Variants in PLCB1 observed in about 807,000 individuals in gnomAD.
The protein encoded by PLCB1 is phospholipase C beta 1.
In PLCB1, 46 loss-of-function variants were observed where a neutral mutation model predicts 161.8. That is an observed-to-expected ratio of 0.28 (90% CI 0.22 to 0.36). The LOEUF (loss-of-function observed/expected upper bound fraction) is 0.36. Among genes scored for constraint, PLCB1 ranks in the 10% least tolerant of loss-of-function variants. The probability of loss-of-function intolerance (pLI) is 1.00; values close to 1 mark genes in which losing one functional copy is unlikely to be tolerated. For synonymous variants in PLCB1, 517 were observed against 503.7 expected, an observed-to-expected ratio of 1.03 and a Z score of -0.35; for missense variants, 1,016 against 1,472.5, an observed-to-expected ratio of 0.69 and a Z score of 5.07.
intron 3 of PLCB1, among the ~76,000 whole-genome samples, chr20:8,413,493 G>A (rs979312410): frequency 1.3e-5 from 2 of 152,182 alleles, no homozygotes; most frequent in Admixed American, 1.3e-4. Context: ...CAGCAGTTTT[G>A]ATAATTAAAG....
intron 2 of PLCB1, among the ~76,000 whole-genome samples, chr20:8,253,917 C>A (rs1184543635): frequency 6.6e-6 from 1 of 151,964 alleles, no homozygotes; most frequent in Admixed American, 6.6e-5. Context: ...TAATGGCCTC[C>A]AGCTGCATCT....
intron 3 of PLCB1, among the ~76,000 whole-genome samples, chr20:8,383,776 A>G (rs983989241): frequency 5.9e-5 from 9 of 152,208 alleles, no homozygotes; most frequent in African/African-American, 1.9e-4. Flanking sequence ...TCCTTCGCTT[A>G]TGAAGCTTAG....
At chr20:8,336,713 C>G (rs540089846) in intron 2 of PLCB1, among the ~76,000 whole-genome samples, 1 of 152,078 alleles carries the variant, frequency 6.6e-6, no homozygotes, top group East Asian at 1.9e-4. Flanking sequence ...GATAAAATAA[C>G]CCTAAATTTC....
chr20:8,423,615 G>A (rs1979627658), intron 3 of PLCB1, among the ~76,000 whole-genome samples: 1 of 152,142 alleles, frequency 6.6e-6, no homozygotes, highest in African/African-American at 2.4e-5. Flanking sequence ...AAAAACTTCT[G>A]CTTTTAAGAA....
intron 2 of PLCB1, among the ~76,000 whole-genome samples, chr20:8,337,404 ACCT>A (rs1985622562): frequency 6.6e-6 from 1 of 152,152 alleles, no homozygotes; most frequent in Non-Finnish European, 1.5e-5. Flanking sequence ...ATAAGATGTC[ACCT>A]TATATCAAAA....
chr20:8,738,469 C>T (rs1392081331), intron 20 of PLCB1, among the ~76,000 whole-genome samples: 1 of 151,952 alleles, frequency 6.6e-6, no homozygotes, highest in African/African-American at 2.4e-5. Context: ...GTGGGTGCAG[C>T]GTACCAGCAT....
chr20:8,157,826 G>A (rs770406513), intron 2 of PLCB1, among the ~76,000 whole-genome samples: 50 of 152,256 alleles, frequency 3.3e-4, no homozygotes, highest in Non-Finnish European at 6.3e-4. Flanking sequence ...CATTTTTAGA[G>A]TAGAAATGCA....
chr20:8,762,602 A>T (rs548415160), intron 25 of PLCB1, among the ~76,000 whole-genome samples: 53 of 152,364 alleles, frequency 3.5e-4, no homozygotes, highest in African/African-American at 1.2e-3. Flanking sequence ...CCAAGAATGC[A>T]GCAATTCCTT....
chr20:8,275,896 G>A (rs540901320), intron 2 of PLCB1, among the ~76,000 whole-genome samples: 10 of 152,024 alleles, frequency 6.6e-5, no homozygotes, highest in South Asian at 6.2e-4. Context: ...TCAGTGTCAA[G>A]GGTATTATAT....
intron 3 of PLCB1, among the ~76,000 whole-genome samples, chr20:8,561,838 T>C (rs1185645143): frequency 3.3e-5 from 5 of 152,030 alleles, no homozygotes; most frequent in African/African-American, 1.2e-4. Flanking sequence ...TTAATAGTGT[T>C]TTTCTCTATA....
At chr20:8,472,093 G>T (rs187637093) in intron 3 of PLCB1, among the ~76,000 whole-genome samples, 10 of 152,030 alleles carry the variant, frequency 6.6e-5, no homozygotes, top group Non-Finnish European at 1.5e-4. Flanking sequence ...AATTATTTTT[G>T]ATTTCTCCCC....
chr20:8,312,927 G>T (rs1984472757), intron 2 of PLCB1, among the ~76,000 whole-genome samples: 1 of 151,966 alleles, frequency 6.6e-6, no homozygotes. Context: ...AAAATATTTG[G>T]CATTATAGAG....
intron 10 of PLCB1, among the ~76,000 whole-genome samples, chr20:8,690,579 A>C (rs1228089208): frequency 6.6e-6 from 1 of 152,156 alleles, no homozygotes; most frequent in East Asian, 1.9e-4. Context: ...ATGAGAATTC[A>C]AGGCCTGAAA....
intron 9 of PLCB1, among the ~76,000 whole-genome samples, chr20:8,683,110 A>G (rs1990261194): frequency 6.6e-6 from 1 of 151,970 alleles, no homozygotes; most frequent in African/African-American, 2.4e-5. Context: ...TTTTACATTA[A>G]AAATGTTCAT....
chr20:8,586,355 G>C (rs1314233749), intron 3 of PLCB1, among the ~76,000 whole-genome samples: 2 of 118,318 alleles, frequency 1.7e-5, no homozygotes, highest in Admixed American at 1.8e-4. Context: ...TATTTATTAT[G>C]GTTTTTTTTT....
intron 27 of PLCB1, among the ~76,000 whole-genome samples, chr20:8,783,925 A>G (rs1428986762): frequency 6.6e-6 from 1 of 152,122 alleles, no homozygotes; most frequent in Non-Finnish European, 1.5e-5. Context: ...TGGCCAAGAG[A>G]TGGGGGGTAA....
intron 3 of PLCB1, among the ~76,000 whole-genome samples, chr20:8,452,534 A>G (rs1021310560): frequency 6.6e-6 from 1 of 152,214 alleles, no homozygotes; most frequent in Non-Finnish European, 1.5e-5. Flanking sequence ...TGGAGATGAA[A>G]GATGAATAAC....
At chr20:8,162,222 C>G (rs1194355558) in intron 2 of PLCB1, among the ~76,000 whole-genome samples, 1 of 152,020 alleles carries the variant, frequency 6.6e-6, no homozygotes, top group Non-Finnish European at 1.5e-5. Context: ...TGTTTATTAA[C>G]CTTATATTTG....
intron 2 of PLCB1, among the ~76,000 whole-genome samples, chr20:8,311,927 G>A (rs1600305355): frequency 2.0e-5 from 3 of 152,292 alleles, no homozygotes; most frequent in Admixed American, 6.5e-5. Context: ...CAGGAGGAGA[G>A]CAAGCCTTTA....
Sources: gnomAD v4.1 joint callset for allele counts (sites outside exome capture counted in the v4.1 genomes callset) on GRCh38, gnomAD v4.1.1 for gene constraint, MANE v1.5 for transcripts, NCBI Gene and HGNC (gene_info 2026-07-23, HGNC 2026-07-21) for gene names.